ERBB4: variants seen among roughly 807,000 people sequenced by gnomAD.
ERBB4 encodes the protein erb-b2 receptor tyrosine kinase 4, also known as receptor tyrosine-protein kinase erbB-4.
A neutral mutation model predicts 158.0 loss-of-function variants in ERBB4; 42 were observed. The observed-to-expected ratio is 0.27, with a 90% CI of 0.21 to 0.34. The LOEUF is 0.34. ERBB4 is among the 10% of genes least tolerant of loss of function. ERBB4 has a pLI of 1.00. For missense variants in ERBB4, 1,333 were observed against 1,624.1 expected, an observed-to-expected ratio of 0.82 and a Z score of 3.08; for synonymous variants, 583 against 558.7, an observed-to-expected ratio of 1.04 and a Z score of -0.61.
chr2:212,234,198 G>A (rs1035697308), intron 1 of ERBB4, among the ~76,000 whole-genome samples: 2 of 151,786 alleles, frequency 1.3e-5, no homozygotes, highest in African/African-American at 2.4e-5. Context: ...TGTTCTTATT[G>A]TTCAATTCCC....
intron 2 of ERBB4, among the ~76,000 whole-genome samples, chr2:212,017,498 A>T (rs1233572062): frequency 6.6e-6 from 1 of 152,170 alleles, no homozygotes; most frequent in African/African-American, 2.4e-5. Context: ...TATGCATCTT[A>T]TTCAGAGACA....
At chr2:211,878,083 G>C (rs549705010) in intron 3 of ERBB4, among the ~76,000 whole-genome samples, 33 of 152,316 alleles carry the variant, frequency 2.2e-4, no homozygotes, top group African/African-American at 7.7e-4. Flanking sequence ...CCTCCGGCCT[G>C]AGGAACAGAG....
intron 1 of ERBB4, among the ~76,000 whole-genome samples, chr2:212,139,770 A>G (rs16847776): frequency 0.028 from 4,325 of 152,046 alleles, 142 homozygotes; most frequent in African/African-American, 0.078. Context: ...AGAGATACAG[A>G]TGGAAAAGAA....
At chr2:212,439,077 G>A (rs1481922664) in intron 1 of ERBB4, among the ~76,000 whole-genome samples, 1 of 152,112 alleles carries the variant, frequency 6.6e-6, no homozygotes, top group Non-Finnish European at 1.5e-5. Context: ...TAGAAAGTAA[G>A]TAAGCACTAG....
intron 1 of ERBB4, among the ~76,000 whole-genome samples, chr2:212,362,926 T>C (rs770218854): frequency 6.6e-6 from 1 of 151,364 alleles, no homozygotes; most frequent in African/African-American, 2.4e-5. Flanking sequence ...TTTTAAAATT[T>C]GTGCCATGAA....
At chr2:212,090,950 T>A (rs1407778470) in intron 2 of ERBB4, among the ~76,000 whole-genome samples, 1 of 152,194 alleles carries the variant, frequency 6.6e-6, no homozygotes, top group Non-Finnish European at 1.5e-5. Flanking sequence ...CCTTTTAAAT[T>A]AATTCTTTAT....
chr2:211,527,965 A>G (rs2066396137), intron 20 of ERBB4, among the ~76,000 whole-genome samples: 4 of 152,068 alleles, frequency 2.6e-5, no homozygotes, highest in Admixed American at 2.6e-4. Context: ...GAAGACCACA[A>G]AACAACCAGA....
chr2:211,648,113 C>A (rs1253945558), intron 16 of ERBB4, among the ~76,000 whole-genome samples: 1 of 151,506 alleles, frequency 6.6e-6, no homozygotes, highest in Non-Finnish European at 1.5e-5. Flanking sequence ...TTTGCCTATG[C>A]AAAATCTTCA....
chr2:212,285,553 G>A (rs1310000636), intron 1 of ERBB4, among the ~76,000 whole-genome samples: 1 of 152,056 alleles, frequency 6.6e-6, no homozygotes, highest in Non-Finnish European at 1.5e-5. Context: ...CCAGTTATTT[G>A]AGCAGGAATG....
chr2:212,535,750 T>C (rs770642373), intron 1 of ERBB4, among the ~76,000 whole-genome samples: 5 of 152,206 alleles, frequency 3.3e-5, no homozygotes, highest in African/African-American at 4.8e-5. Flanking sequence ...CAAAGTCCTT[T>C]AGAATTTCTA....
At chr2:211,953,143 A>G (rs972453439) in intron 2 of ERBB4, among the ~76,000 whole-genome samples, 1 of 152,038 alleles carries the variant, frequency 6.6e-6, no homozygotes, top group African/African-American at 2.4e-5. Context: ...TTCCAAGGAA[A>G]ATAATTTTAT....
At chr2:212,469,085 G>C (rs967736250) in intron 1 of ERBB4, among the ~76,000 whole-genome samples, 2 of 152,000 alleles carry the variant, frequency 1.3e-5, no homozygotes, top group African/African-American at 4.8e-5. Flanking sequence ...AAATATCCAA[G>C]AAATAGATTT....
intron 20 of ERBB4, among the ~76,000 whole-genome samples, chr2:211,480,274 G>T (rs958940269): frequency 6.6e-6 from 1 of 151,970 alleles, no homozygotes; most frequent in Admixed American, 6.6e-5. Context: ...TAGTATCTTG[G>T]TTATATGGTT....
At chr2:211,786,772 C>A (rs575740951) in intron 4 of ERBB4, among the ~76,000 whole-genome samples, 3 of 152,286 alleles carry the variant, frequency 2.0e-5, no homozygotes, top group African/African-American at 7.2e-5. Flanking sequence ...CCACACCTCC[C>A]CACCACTACC....
Position 211,608,207 on chromosome 2 carries a change from G to C in ERBB4, c.2301+10970C>G, listed in dbSNP as rs1306347788. ...GCCATCAACTGGCTTTGAACAGTAAGAATACCTCTTGAACAAAGCTTGATT... is the reference window on the plus strand; with the variant it reads ...GCCATCAACTGGCTTTGAACAGTAACAATACCTCTTGAACAAAGCTTGATT... On this transcript the variant is annotated intron_variant, in intron 19 of 27. Transcript: ENST00000342788. Among the ~76,000 whole-genome samples, 8 of 152,104 alleles carry C rather than the reference G, an allele frequency of 5.3e-5. No homozygotes were observed. The East Asian group carries it at 1.5e-3, about 29-fold the overall frequency.
chr2:212,499,149 T>C (rs931860877), intron 1 of ERBB4, among the ~76,000 whole-genome samples: 16 of 152,034 alleles, frequency 1.1e-4, no homozygotes, highest in African/African-American at 3.6e-4. Context: ...TGTTAATTGG[T>C]TTTGTTGAAA....
At chr2:212,440,650 C>A (rs2092234480) in intron 1 of ERBB4, among the ~76,000 whole-genome samples, 1 of 152,044 alleles carries the variant, frequency 6.6e-6, no homozygotes, top group African/African-American at 2.4e-5. Context: ...TATGACTAGA[C>A]CCCAAAATGC....
chr2:212,220,775 A>G (rs1356239822), intron 1 of ERBB4, among the ~76,000 whole-genome samples: 1 of 151,424 alleles, frequency 6.6e-6, no homozygotes, highest in African/African-American at 2.4e-5. Context: ...TGACCAAGCT[A>G]TATCTCCCAA....
intron 3 of ERBB4, among the ~76,000 whole-genome samples, chr2:211,839,541 T>C (rs2077424842): frequency 6.6e-6 from 1 of 152,100 alleles, no homozygotes; most frequent in South Asian, 2.1e-4. Context: ...CACAGTACAG[T>C]AGATCCATAC....
Sources: gnomAD v4.1 joint callset for allele counts (sites outside exome capture counted in the v4.1 genomes callset) on GRCh38, gnomAD v4.1.1 for gene constraint, MANE v1.5 for transcripts, NCBI Gene and HGNC (gene_info 2026-07-23, HGNC 2026-07-21) for gene names.